The following PCDHA1 variants were observed in gnomAD, a reference collection of about 807,000 sequenced individuals.
The protein encoded by PCDHA1 is protocadherin alpha-1.
In PCDHA1, 42 loss-of-function variants were observed where a neutral mutation model predicts 61.3. The observed-to-expected ratio is 0.69, with a 90% CI of 0.54 to 0.89. PCDHA1 has a LOEUF of 0.89. Ranked by LOEUF, PCDHA1 falls within the 40% of genes least tolerant of loss-of-function variation. The pLI is 0.00. For missense variants in PCDHA1, 1,256 were observed against 1,235.3 expected (o/e 1.02, Z -0.25); for synonymous variants, 610 against 553.8 (o/e 1.10, Z -1.43).
chr5:140,968,089 C>T lies in PCDHA1; in HGVS notation c.2395-10860C>T, dbSNP rs546330069. ...CTGTCTACAACATCACGGTGACAGC[C>T]ACAGATGGGGGAATACCGCAGCTCA... On this transcript the variant is annotated intron_variant, in intron 1 of 3. Transcript: ENST00000504120. 120 of 1,614,126 alleles carry T rather than the reference C, an allele frequency of 7.4e-5. 1 individual carries two copies. The South Asian group carries it at 1.2e-3, about 16-fold the overall frequency.
At chr5:140,853,682 A>C in intron 1 of PCDHA1, 5 of 988,426 alleles carry the variant, frequency 5.1e-6, no homozygotes, top group Non-Finnish European at 6.1e-6. Context: ...TGGTCAACCT[A>C]TCCTTAGACC....
chr5:140,836,007 G>A (rs2150250458), intron 1 of PCDHA1: 5 of 1,613,296 alleles, frequency 3.1e-6, no homozygotes, highest in South Asian at 1.1e-5. Context: ...CGATGCGGGC[G>A]TGCCGCCTCT....
intron 1 of PCDHA1, chr5:140,850,022 A>T (rs2150463810): frequency 4.4e-6 from 7 of 1,596,794 alleles, no homozygotes; most frequent in Non-Finnish European, 6.0e-6. Context: ...GCTACGTGTC[A>T]GTGCACGCGG....
At chr5:140,906,099 T>G (rs1377633678) in intron 1 of PCDHA1, among the ~76,000 whole-genome samples, 1 of 152,118 alleles carries the variant, frequency 6.6e-6, no homozygotes, top group African/African-American at 2.4e-5. Flanking sequence ...AGTAAGTGTG[T>G]CTTTCCCAGT....
intron 1 of PCDHA1, chr5:140,926,589 G>A: frequency 3.4e-6 from 1 of 292,780 alleles, no homozygotes; most frequent in Non-Finnish European, 6.2e-6. Context: ...TCTCGCGCCC[G>A]GGCGGGCGGC....
At chr5:140,978,491 C>T (rs550205477) in intron 1 of PCDHA1, among the ~76,000 whole-genome samples, 2 of 152,354 alleles carry the variant, frequency 1.3e-5, no homozygotes, top group African/African-American at 4.8e-5. Flanking sequence ...GCAAAGCCAG[C>T]AGCAGATTGC....
At chr5:140,968,907 C>G in intron 1 of PCDHA1, 1 of 1,614,180 alleles carries the variant, frequency 6.2e-7, no homozygotes. Context: ...GCATTAAGCA[C>G]AGTGTCTTTT....
At chr5:140,788,810 T>C in intron 1 of PCDHA1, 126 bp downstream of exon 1, 1 of 1,426,942 alleles carries the variant, frequency 7.0e-7, no homozygotes, top group Non-Finnish European at 9.2e-7. Flanking sequence ...AATCATACCA[T>C]TGAATGTAGA....
Position 140,801,410 on chromosome 5 carries a change from C to T in PCDHA1, c.2394+12726C>T, listed in dbSNP as rs138112183. On this transcript the variant is annotated intron_variant, in intron 1 of 3. Coordinates refer to ENST00000504120, the MANE Select transcript of PCDHA1 (RefSeq NM_018900.4). ...TGTTCCGGGTGGCGTCCAAAAGACA[C>T]GGGGACCTTCTGGAGGTAAATCTGC... 100 of 1,613,778 alleles carry T rather than the reference C, an allele frequency of 6.2e-5. No individual in the cohort carries two copies. The Middle Eastern group carries it at 7.0e-4, about 11-fold the overall frequency.
chr5:140,862,825 C>G (rs782012901), intron 1 of PCDHA1: 2 of 572,056 alleles, frequency 3.5e-6, no homozygotes, highest in South Asian at 2.7e-5. Flanking sequence ...GGTGAGAGCG[C>G]GCGACGCGGG....
chr5:141,005,666 C>T (rs1304126376), intron 3 of PCDHA1, among the ~76,000 whole-genome samples: 2 of 130,134 alleles, frequency 1.5e-5, no homozygotes, highest in Non-Finnish European at 3.1e-5. Context: ...CGCGCCACTG[C>T]ACTCCAGCCT....
At chr5:140,824,354 T>C (rs1554129867) in intron 1 of PCDHA1, 1 of 580,246 alleles carries the variant, frequency 1.7e-6, no homozygotes, top group African/African-American at 1.9e-5. Flanking sequence ...AATAATATTT[T>C]ATATTAGCAT....
At position 140,856,216 on chromosome 5, in the gene PCDHA1, G is replaced by A. The variant is rs782147679; in HGVS notation, c.2394+67532G>A. ...CGCAGGACCTGGGGCTGGAGCTGGC[G>A]GAGCTGGTGCAGCGCCTGTTCCGGG... On this transcript the variant is annotated intron_variant, in intron 1 of 3. Coordinates refer to ENST00000504120, the MANE Select transcript of PCDHA1 (RefSeq NM_018900.4). The A allele has an allele frequency of 8.1e-6, 13 of 1,597,922 alleles. 1 individual carries two copies. The Admixed American group carries it at 1.5e-4, about 19-fold the overall frequency.
At position 140,787,628 on chromosome 5, in the gene PCDHA1, C is replaced by T. The variant is rs1554117897; in HGVS notation, c.1338C>T (p.Ala446=). 1.2e-6 allele frequency: 2 copies of T among 1,613,936 alleles called. No homozygotes were observed. The highest frequency in any genetic ancestry group is 1.7e-6 in the Non-Finnish European group (2 of 1,179,968). ...CGGCCAGGGTGTCCGTGGAGGTGGC[C>T]GACGTGAATGACAACGCGCCTGCGT... The part of the protein sequence containing the change: ...WATARVSVEV[A]DVNDNAPAFA... Residue 446 remains alanine (A), a synonymous_variant, in exon 1 of 4, where the codon GCC becomes GCT. Coordinates refer to ENST00000504120, the MANE Select transcript of PCDHA1 (RefSeq NM_018900.4).
chr5:140,788,871 A>G, intron 1 of PCDHA1, 187 bp downstream of exon 1: 5 of 1,335,026 alleles, frequency 3.7e-6, no homozygotes, highest in Non-Finnish European at 4.8e-6. Context: ...AGCAAAGAAA[A>G]ATGTAGGGAC....
At chr5:140,867,550 C>G (rs2153229616) in intron 1 of PCDHA1, 1 of 152,198 alleles carries the variant, frequency 6.6e-6, no homozygotes, top group South Asian at 2.1e-4. Flanking sequence ...TTAGCATACA[C>G]ATATGATAAC....
chr5:141,006,356 C>T (rs1342790572), intron 3 of PCDHA1, among the ~76,000 whole-genome samples: 4 of 151,920 alleles, frequency 2.6e-5, no homozygotes, highest in South Asian at 2.1e-4. Flanking sequence ...GGACTATAGG[C>T]GCCCACCACC....
At chr5:140,828,292 C>A in intron 1 of PCDHA1, 2 of 1,614,104 alleles carry the variant, frequency 1.2e-6, no homozygotes, top group Non-Finnish European at 1.7e-6. Flanking sequence ...TCAGGATGGC[C>A]TCCAAAGACC....
At chr5:140,905,360 T>C (rs2071771480) in intron 1 of PCDHA1, among the ~76,000 whole-genome samples, 2 of 152,238 alleles carry the variant, frequency 1.3e-5, no homozygotes, top group Non-Finnish European at 2.9e-5. Context: ...TTTGACTATA[T>C]TTCTGGTTCT....
Sources: gnomAD v4.1 joint callset for allele counts (sites outside exome capture counted in the v4.1 genomes callset) on GRCh38, gnomAD v4.1.1 for gene constraint, MANE v1.5 for transcripts, NCBI Gene and HGNC (gene_info 2026-07-23, HGNC 2026-07-21) for gene names.